The following HDAC9 variants were observed in gnomAD, a reference collection of about 807,000 sequenced individuals.
The protein encoded by HDAC9 is histone deacetylase 9.
Under a neutral mutation model 139.4 loss-of-function variants are expected in HDAC9, and 41 were observed. That is an observed-to-expected ratio of 0.29 (90% CI 0.23 to 0.38). The LOEUF (loss-of-function observed/expected upper bound fraction) is 0.38, where lower values mean the gene tolerates loss of function less well. HDAC9 is among the 10% of genes least tolerant of loss of function. HDAC9 has a pLI of 1.00. For synonymous variants in HDAC9, 517 were observed against 476.2 expected (o/e 1.09, Z -1.12); for missense variants, 1,147 against 1,297.0 (o/e 0.88, Z 1.78).
At chr7:18,682,478 G>T (rs1781955042) in intron 12 of HDAC9, among the ~76,000 whole-genome samples, 1 of 151,936 alleles carries the variant, frequency 6.6e-6, no homozygotes. Context: ...ATTGATTTTA[G>T]AATAAAGTTG....
intron 2 of HDAC9, among the ~76,000 whole-genome samples, chr7:18,569,809 T>C (rs1454780434): frequency 1.3e-5 from 2 of 152,120 alleles, no homozygotes; most frequent in Non-Finnish European, 2.9e-5. Context: ...CTCTAATTAG[T>C]TGTGCCTTAA....
chr7:18,737,671 A>T (rs951088788), intron 13 of HDAC9, among the ~76,000 whole-genome samples: 2 of 152,200 alleles, frequency 1.3e-5, no homozygotes, highest in African/African-American at 4.8e-5. Flanking sequence ...GGAGTGCTTT[A>T]TTCCCTATGA....
At chr7:18,829,284 G>A in intron 18 of HDAC9, 68 bp downstream of exon 18, 1 of 1,307,440 alleles carries the variant, frequency 7.6e-7, no homozygotes, top group South Asian at 1.2e-5. Context: ...CCCCGTGCAT[G>A]TTTCTGAAGC....
chr7:18,219,802 AT>A (rs1792560724), intron 2 of HDAC9, among the ~76,000 whole-genome samples: 2 of 152,338 alleles, frequency 1.3e-5, no homozygotes, highest in East Asian at 3.9e-4. Flanking sequence ...TTGGTTTTAA[AT>A]TTGAAAGTTG....
chr7:18,206,646 A>G (rs1791530862), intron 2 of HDAC9, among the ~76,000 whole-genome samples: 1 of 152,190 alleles, frequency 6.6e-6, no homozygotes, highest in African/African-American at 2.4e-5. Flanking sequence ...TTAAAGAATA[A>G]TAAGTTTGTT....
chr7:18,173,529 T>G (rs1788623746), intron 2 of HDAC9, among the ~76,000 whole-genome samples: 1 of 152,236 alleles, frequency 6.6e-6, no homozygotes, highest in Admixed American at 6.5e-5. Context: ...AGTTAGTTGA[T>G]GCAGTTTCTT....
In HDAC9 at chr7:18,509,217, G is replaced by A. The variant is rs541658715; in HGVS notation, c.22+12893G>A. ...GGGTTTTCCCTCAACATTCCAATTG[G>A]TCTAAGTCAAAGCACAATTAGAATA... On this transcript the variant is annotated intron_variant, in intron 2 of 25. Transcript: ENST00000686413. 7.1e-5 allele frequency: 67 copies of A among 947,488 alleles called. No individual in the cohort carries two copies. The African/African-American group carries it at 1.1e-3, about 16-fold the overall frequency. 58.7% of individuals were successfully genotyped at this position (947,488 alleles called of 1,614,324 possible).
intron 1 of HDAC9, among the ~76,000 whole-genome samples, chr7:18,311,475 T>C (rs1400698178): frequency 6.6e-6 from 1 of 152,150 alleles, no homozygotes; most frequent in Non-Finnish European, 1.5e-5. Flanking sequence ...CTCACATTAA[T>C]AGTCACAGCC....
At chr7:18,447,593 T>G (rs1792412458) in intron 1 of HDAC9, among the ~76,000 whole-genome samples, 1 of 152,220 alleles carries the variant, frequency 6.6e-6, no homozygotes, top group South Asian at 2.1e-4. Context: ...TCATGCAAAT[T>G]TAATTTATAA....
intron 1 of HDAC9, among the ~76,000 whole-genome samples, chr7:18,150,292 A>G (rs908871456): frequency 5.3e-5 from 8 of 152,028 alleles, no homozygotes; most frequent in African/African-American, 1.9e-4. Flanking sequence ...CCAGTTTTAT[A>G]TAGGCCGCAA....
intron 6 of HDAC9, among the ~76,000 whole-genome samples, chr7:18,618,252 G>T (rs1453147950): frequency 6.6e-6 from 1 of 152,024 alleles, no homozygotes; most frequent in African/African-American, 2.4e-5. Context: ...GGCTGTTATT[G>T]TCCACATTTG....
At chr7:18,693,234 T>G (rs1021070165) in intron 12 of HDAC9, among the ~76,000 whole-genome samples, 29 of 152,090 alleles carry the variant, frequency 1.9e-4, no homozygotes, top group Non-Finnish European at 3.4e-4. Context: ...AAAGGAGAGA[T>G]AACCAAACCA....
intron 22 of HDAC9, among the ~76,000 whole-genome samples, chr7:18,917,515 T>A (rs1178920469): frequency 6.6e-6 from 1 of 151,970 alleles, no homozygotes; most frequent in Non-Finnish European, 1.5e-5. Context: ...GAGCCACTTG[T>A]CTGAACGTTG....
At position 18,786,609 on chromosome 7, in the gene HDAC9, C is replaced by CGG. The variant is rs1562940686; in HGVS notation, c.2215-6736_2215-6735insGG. ...GGCTTCCTTCCTTCCTTCCTTCCTT[C>CGG]CTTCCTTCCCTCCCTCCCTCCTTCC... On this transcript the variant is annotated intron_variant, in intron 16 of 25. Coordinates refer to ENST00000686413, the MANE Select transcript of HDAC9 (RefSeq NM_178425.4). Among the ~76,000 whole-genome samples, 36 of 83,602 alleles carry CGG rather than the reference C, an allele frequency of 4.3e-4. 4 individuals carry two copies. Among genetic ancestry groups the CGG allele is most frequent in the African/African-American group, 2.0e-3 (35 of 17,826 alleles). 54.8% of individuals were successfully genotyped at this position (83,602 alleles called of 152,430 possible). A position where few individuals can be genotyped will look rare whatever the true frequency, so the allele number is the denominator to read the frequency against.
chr7:18,413,444 G>T (rs1217743000), intron 1 of HDAC9, among the ~76,000 whole-genome samples: 1 of 152,036 alleles, frequency 6.6e-6, no homozygotes, highest in Non-Finnish European at 1.5e-5. Context: ...TATTTTTGAA[G>T]TCCTAATGTT....
intron 2 of HDAC9, among the ~76,000 whole-genome samples, chr7:18,536,737 G>A (rs1336420146): frequency 7.2e-5 from 11 of 152,054 alleles, no homozygotes; most frequent in Admixed American, 7.2e-4. Context: ...GAATGTTAAG[G>A]TACTTTAAGG....
At chr7:18,166,023 A>G (rs1330355011) in intron 2 of HDAC9, among the ~76,000 whole-genome samples, 2 of 152,204 alleles carry the variant, frequency 1.3e-5, no homozygotes, top group Non-Finnish European at 2.9e-5. Context: ...TCAAGATTAT[A>G]GAAAACCTAA....
intron 1 of HDAC9, among the ~76,000 whole-genome samples, chr7:18,440,897 A>C (rs1791692744): frequency 6.6e-6 from 1 of 152,190 alleles, no homozygotes; most frequent in Admixed American, 6.5e-5. Flanking sequence ...CTTTTCTGAA[A>C]GCTGCTTGAC....
chr7:18,568,026 G>GTGTGTATATATATATA (rs1384273199), intron 2 of HDAC9, among the ~76,000 whole-genome samples: 11 of 126,814 alleles, frequency 8.7e-5, no homozygotes, highest in Admixed American at 3.2e-4. Flanking sequence ...ATATGTATAT[G>GTGTGTATATATATATA]TATATATATA....
Sources: gnomAD v4.1 joint callset for allele counts (sites outside exome capture counted in the v4.1 genomes callset) on GRCh38, gnomAD v4.1.1 for gene constraint, MANE v1.5 for transcripts, NCBI Gene and HGNC (gene_info 2026-07-23, HGNC 2026-07-21) for gene names.